Variants in SLC38A10 observed in about 807,000 individuals in gnomAD.
SLC38A10 encodes the protein solute carrier family 38 member 10.
Under a neutral mutation model 81.0 loss-of-function variants are expected in SLC38A10, and 53 were observed. That is an observed-to-expected ratio of 0.65 (90% CI 0.53 to 0.82). The LOEUF (loss-of-function observed/expected upper bound fraction) is 0.82, where lower values mean the gene tolerates loss of function less well. Ranked by LOEUF, SLC38A10 falls within the 40% of genes least tolerant of loss-of-function variation. SLC38A10 has a pLI of 0.00. For synonymous variants in SLC38A10, 665 were observed against 655.3 expected, an observed-to-expected ratio of 1.01 and a Z score of -0.23; for missense variants, 1,471 against 1,545.0, an observed-to-expected ratio of 0.95 and a Z score of 0.80.
At chr17:81,264,925 T>C (rs2063057240) in intron 10 of SLC38A10, 1 of 152,188 alleles carries the variant, frequency 6.6e-6, no homozygotes, top group African/African-American at 2.4e-5. Flanking sequence ...GGCGCACCCG[T>C]GAGGCAGCCT....
At position 81,288,401 on chromosome 17, in the gene SLC38A10, C is replaced by T. The variant is rs184126853; in HGVS notation, c.217+1290G>A. Among the ~76,000 whole-genome samples, 673 of 152,298 alleles carry T rather than the reference C, an allele frequency of 4.4e-3. 9 individuals are homozygous for T. The highest frequency in any genetic ancestry group is 0.015 in the African/African-American group (641 of 41,558). On this transcript the variant is annotated intron_variant, in intron 2 of 15. Coordinates refer to ENST00000374759, the MANE Select transcript of SLC38A10 (RefSeq NM_001037984.3). This position sits in a 1 kb window ranked among gnomAD's most constrained non-coding sequence, Gnocchi z 5.4. ...GCTGGAAGGTCCAGAGCCTTCATCACAAGGCCAGAGTTTTCACCAAAACCC... is the reference window on the plus strand; with the variant it reads ...GCTGGAAGGTCCAGAGCCTTCATCATAAGGCCAGAGTTTTCACCAAAACCC...
chr17:81,258,809 G>T (rs879306254), intron 11 of SLC38A10, among the ~76,000 whole-genome samples: 1 of 152,222 alleles, frequency 6.6e-6, no homozygotes, highest in African/African-American at 2.4e-5. Flanking sequence ...TTTCCAGTCC[G>T]AATTACCAAA....
chr17:81,274,380 G>A (rs1188659507), intron 8 of SLC38A10, among the ~76,000 whole-genome samples: 2 of 152,256 alleles, frequency 1.3e-5, no homozygotes, highest in African/African-American at 4.8e-5. Flanking sequence ...CAATGCTATC[G>A]TTCCCAAGGC....
intron 12 of SLC38A10, 90 bp downstream of exon 12, chr17:81,252,983 C>T: frequency 6.7e-7 from 1 of 1,488,688 alleles, no homozygotes. Context: ...ATACACACAG[C>T]CCTGAGAGCC....
intron 14 of SLC38A10, chr17:81,247,395 C>G (rs923072278): frequency 4.1e-6 from 1 of 245,206 alleles, no homozygotes; most frequent in Non-Finnish European, 7.8e-6. Flanking sequence ...CAAGCCTGCT[C>G]GTTGCCCATG....
At chr17:81,272,655 GA>G (rs767675689) in intron 8 of SLC38A10, 28 bp from the exon 9 acceptor site, 2 of 1,464,808 alleles carry the variant, frequency 1.4e-6, no homozygotes, top group Admixed American at 4.8e-5. Flanking sequence ...AAAAGGTTTT[GA>G]AATGACTGAT....
chr17:81,260,218 G>A lies in SLC38A10; in HGVS notation c.1288+20C>T, dbSNP rs1170995456. 2 of 1,588,904 alleles carry A rather than the reference G, an allele frequency of 1.3e-6. No homozygotes were observed. Among genetic ancestry groups the A allele is most frequent in the Non-Finnish European group, 1.7e-6 (2 of 1,168,582 alleles). Reference sequence around the variant, plus strand: ...TGGGCACTTGCCCTGAGAAGGCTCAGAGAGCCAGGGTGGGCATACCTGAGA... The same window carrying A: ...TGGGCACTTGCCCTGAGAAGGCTCAAAGAGCCAGGGTGGGCATACCTGAGA... On this transcript the variant is annotated intron_variant, in intron 11 of 15. Coordinates refer to ENST00000374759, the MANE Select transcript of SLC38A10 (RefSeq NM_001037984.3).
At chr17:81,274,757 G>T (rs1036897212) in intron 8 of SLC38A10, among the ~76,000 whole-genome samples, 8 of 151,828 alleles carry the variant, frequency 5.3e-5, no homozygotes, top group Non-Finnish European at 1.0e-4. Context: ...GAAAGACAGC[G>T]CAGCGGGCCT....
chr17:81,263,334 C>T (rs978083831), intron 10 of SLC38A10: 2 of 152,434 alleles, frequency 1.3e-5, no homozygotes, highest in Non-Finnish European at 2.9e-5. Flanking sequence ...GCCACGTACA[C>T]ACCTGCTGCC....
chr17:81,276,097 T>C lies in SLC38A10; in HGVS notation c.784A>G (p.Met262Val), dbSNP rs141866759. 108 of 1,613,684 alleles carry C rather than the reference T, an allele frequency of 6.7e-5. No individual in the cohort carries two copies. Among genetic ancestry groups the C allele is most frequent in the Non-Finnish European group, 8.4e-5 (99 of 1,179,966 alleles). Reference sequence around the variant, plus strand: ...GTCACCAGGTTGGAGGGAAAGTGCATGAGCACGTTGCCGGCCGTGGCCTCG... The same window carrying C: ...GTCACCAGGTTGGAGGGAAAGTGCACGAGCACGTTGCCGGCCGTGGCCTCG... ...FTEATAGNVL[M>V]HFPSNLVTEM... The change falls in exon 8 of 16, where the codon ATG becomes GTG. Residue 262 changes from methionine (M) to valine (V), a missense_variant. Coordinates refer to ENST00000374759, the MANE Select transcript of SLC38A10 (RefSeq NM_001037984.3). The surrounding 1 kb of genome is among the most constrained non-coding windows in gnomAD (Gnocchi z 4.7).
rs141935151 is a variant in SLC38A10, at chr17:81,276,645, C to G, written c.729+386G>C. 2.2e-4 allele frequency among the ~76,000 whole-genome samples: 34 copies of G among 152,282 alleles called. No homozygotes were observed. In the East Asian group the frequency reaches 5.6e-3, roughly 25 times the overall value. On this transcript the variant is annotated intron_variant, in intron 7 of 15. Coordinates refer to ENST00000374759, the MANE Select transcript of SLC38A10 (RefSeq NM_001037984.3). This position sits in a 1 kb window ranked among gnomAD's most constrained non-coding sequence, Gnocchi z 4.7. ...GACCTCATGATCTGCCCACCTCGGT[C>G]TCCCAAAGTGCTGGGATTACAGGTG...
chr17:81,256,335 CA>C (rs1285224580), intron 11 of SLC38A10, among the ~76,000 whole-genome samples: 1 of 152,244 alleles, frequency 6.6e-6, no homozygotes, highest in East Asian at 1.9e-4. Flanking sequence ...AATGCATCCC[CA>C]ACCCCACATT....
intron 9 of SLC38A10, among the ~76,000 whole-genome samples, chr17:81,271,708 C>T (rs1487171763): frequency 3.3e-5 from 5 of 151,618 alleles, no homozygotes; most frequent in African/African-American, 1.2e-4. Flanking sequence ...TCTCTCTGCC[C>T]AGGTGTCAAT....
chr17:81,292,590 C>A (rs74002234), intron 1 of SLC38A10, among the ~76,000 whole-genome samples: 3,341 of 152,272 alleles, frequency 0.022, 133 homozygotes, highest in African/African-American at 0.077. Context: ...GGAGACGCTG[C>A]GGCCAGATCA....
In SLC38A10 at chr17:81,254,851, G is replaced by A. The variant is rs149897395; in HGVS notation, c.1289-1611C>T. Among the ~76,000 whole-genome samples the A allele has an allele frequency of 7.0e-4, 107 of 152,350 alleles. 1 individual carries two copies. The East Asian group carries it at 0.018, about 25-fold the overall frequency. On this transcript the variant is annotated intron_variant, in intron 11 of 15. Coordinates refer to ENST00000374759, the MANE Select transcript of SLC38A10 (RefSeq NM_001037984.3). ...CGGCAGAGGCCCCATGCGGAAACAA[G>A]CCATAACTGTCAATCAAGAGGGCCT...
rs147135566 is a variant in SLC38A10 at position 81,252,237 on chromosome 17, C to G, written c.1903G>C (p.Ala635Pro). 1.3e-6 allele frequency: 2 copies of G among 1,546,934 alleles called. No individual in the cohort carries two copies. The highest frequency in any genetic ancestry group is 1.7e-6 in the Non-Finnish European group (2 of 1,149,220). ...GCGGGCTGCCCTGTGTCCCCGGCGG[C>G]GTTGCCTGGCGGCGGTCCCCCCTTG... is the stretch of plus-strand genomic sequence containing the variant. ...KAKGGPPPGN[A>P]AGDTGQPAED... is the part of the protein sequence containing the mutation. Residue 635 changes from alanine to proline, a missense_variant, in exon 13 of 16, where the codon GCC (alanine) becomes CCC (proline). By Grantham distance (27) the Ala-to-Pro change is conservative. This residue lies in a region of SLC38A10 where 751 missense variants were observed against 717.4 expected (regional missense o/e 1.05). Transcript: ENST00000374759.
At chr17:81,268,867 A>C (rs1162543172) in intron 10 of SLC38A10, among the ~76,000 whole-genome samples, 1 of 152,234 alleles carries the variant, frequency 6.6e-6, no homozygotes, top group Admixed American at 6.5e-5. Flanking sequence ...ACAAGACAAA[A>C]GTCAACTGCA....
In SLC38A10 at chr17:81,245,774, C is replaced by T. The variant is rs755075636; in HGVS notation, c.3142G>A (p.Asp1048Asn). The T allele has an allele frequency of 1.8e-5, 28 of 1,597,828 alleles. No homozygotes were observed. The highest frequency in any genetic ancestry group is 1.7e-4 in the Middle Eastern group (1 of 6,024). ...NRDLKLQAGS[D>N]LRRRRRDLGP... ...AGGTCCCGCCGTCGCCTCCGGAGGT[C>T]GGAGCCAGCCTGCAGTTTCAGGTCC... Residue 1048 changes from aspartate (D) to asparagine (N), a missense_variant, in exon 16 of 16, where the codon GAC becomes AAC. Transcript: ENST00000374759.
chr17:81,251,200 A>G (rs66535907), intron 14 of SLC38A10: 69,122 of 1,540,120 alleles, frequency 0.045, 3,176 homozygotes, highest in African/African-American at 0.24. Context: ...GCCAAGTGAC[A>G]ATGCCGCAGG....
Sources: gnomAD v4.1 joint callset for allele counts (sites outside exome capture counted in the v4.1 genomes callset) on GRCh38, gnomAD v4.1.1 for gene constraint, gnomAD v4.1.1 regional missense constraint, Gnocchi (gnomAD v3.1) non-coding constraint, MANE v1.5 for transcripts, NCBI Gene and HGNC (gene_info 2026-07-23, HGNC 2026-07-21) for gene names.